The following PHACTR2 variants were observed in gnomAD, a reference collection of about 807,000 sequenced individuals.
PHACTR2 encodes phosphatase and actin regulator 2, also known as chromosome 6 open reading frame 56.
Under a neutral mutation model 76.0 loss-of-function variants are expected in PHACTR2, and 30 were observed. The ratio of observed to expected loss-of-function variants is 0.39; its 90% confidence interval spans 0.30 to 0.54. The LOEUF (loss-of-function observed/expected upper bound fraction) is 0.54. Ranked by LOEUF, PHACTR2 falls within the 20% of genes least tolerant of loss-of-function variation. The probability of loss-of-function intolerance (pLI) is 0.61; values close to 1 mark genes in which losing one functional copy is unlikely to be tolerated. For synonymous variants in PHACTR2, 292 were observed against 292.5 expected (o/e 1.00, Z 0.02); for missense variants, 696 against 781.1 (o/e 0.89, Z 1.30).
chr6:143,724,493 C>G (rs369795023), intron 2 of PHACTR2, among the ~76,000 whole-genome samples: 37 of 152,146 alleles, frequency 2.4e-4, no homozygotes, highest in African/African-American at 8.7e-4. Context: ...AAGGATGATG[C>G]GACCCAACTT....
In PHACTR2 at chr6:143,774,077, T is replaced by C; in HGVS notation, c.1451T>C (p.Ile484Thr). The C allele has an allele frequency of 3.1e-6, 5 of 1,613,454 alleles. No individual in the cohort carries two copies. The highest frequency in any genetic ancestry group is 4.2e-6 in the Non-Finnish European group (5 of 1,179,748). ...GSGESALASKIRRRDTLAIKL... is the reference protein window; with the variant it reads ...GSGESALASKTRRRDTLAIKL... The stretch of plus-strand genomic sequence containing the variant: ...TCCTCAGGTGCTTTGGCAAGTAAAA[T>C]ACGCCGGAGGGATACTCTTGCTATC... The change falls in exon 8 of 13, where the codon ATA becomes ACA. Residue 484 changes from isoleucine to threonine, a missense_variant. By Grantham distance (89) the Ile-to-Thr change is moderately conservative (BLOSUM62 -1). This residue lies in a region of PHACTR2 where 236 missense variants were observed against 330.2 expected (regional missense o/e 0.71). Transcript: ENST00000440869. This position sits in a 1 kb window ranked among gnomAD's most constrained non-coding sequence, Gnocchi z 5.4.
chr6:143,718,670 G>T (rs939453420), intron 2 of PHACTR2, among the ~76,000 whole-genome samples: 7 of 152,180 alleles, frequency 4.6e-5, no homozygotes, highest in African/African-American at 1.4e-4. Context: ...AGTTATGTTT[G>T]GTCCTATTAA....
At position 143,818,124 on chromosome 6, in the gene PHACTR2, A is replaced by C. The variant is rs997675267; in HGVS notation, c.1923-5550A>C. Among the ~76,000 whole-genome samples the C allele has an allele frequency of 1.3e-5, 2 of 152,346 alleles. No homozygotes were observed. The highest frequency in any genetic ancestry group is 6.5e-5 in the Admixed American group (1 of 15,306). On this transcript the variant is annotated intron_variant, in intron 12 of 12. Coordinates refer to ENST00000440869, the MANE Select transcript of PHACTR2 (RefSeq NM_001100164.2). This position sits in a 1 kb window ranked among gnomAD's most constrained non-coding sequence, Gnocchi z 4.9. ...TATGAACAATTATGTGTCAATTAAA[A>C]ATATAATAAAATAATCAATAAAAAA...
rs939823548 is a variant in PHACTR2, at chr6:143,733,070, AT to A, written c.215-15907del. Among the ~76,000 whole-genome samples the A allele has an allele frequency of 3.3e-5, 5 of 151,750 alleles. No individual in the cohort carries two copies. The highest frequency in any genetic ancestry group is 4.8e-5 in the African/African-American group (2 of 41,314). ...ACACCCAACTTAATTTTAAAAAAAAATTTTTTTTCATAGAGATGGAGGCTTG... is the reference window on the plus strand; with the variant it reads ...ACACCCAACTTAATTTTAAAAAAAAATTTTTTTCATAGAGATGGAGGCTTG... On this transcript the variant is annotated intron_variant, in intron 2 of 12. Transcript: ENST00000440869. The surrounding 1 kb of genome is among the most constrained non-coding windows in gnomAD (Gnocchi z 4.0).
Position 143,708,181 on chromosome 6 carries a change from T to A in PHACTR2, c.47-3835T>A, listed in dbSNP as rs1470550753. Among the ~76,000 whole-genome samples the A allele has an allele frequency of 6.6e-6, 1 of 152,254 alleles. No homozygotes were observed. The highest frequency in any genetic ancestry group is 1.5e-5 in the Non-Finnish European group (1 of 68,040). On this transcript the variant is annotated intron_variant, in intron 1 of 12. Transcript: ENST00000440869. This position sits in a 1 kb window ranked among gnomAD's most constrained non-coding sequence, Gnocchi z 5.5. ...TATATGGTCACATTTGCACTGGGAC[T>A]GCCTAACTGATACATTTCTGTTTAA...
At chr6:143,747,597 T>A (rs1311113439) in intron 2 of PHACTR2, among the ~76,000 whole-genome samples, 1 of 152,218 alleles carries the variant, frequency 6.6e-6, no homozygotes, top group Non-Finnish European at 1.5e-5. Flanking sequence ...GATTTGCAGA[T>A]AATGAGCCCA....
rs1403162520 is a variant in PHACTR2, at chr6:143,712,006, C to T, written c.47-10C>T. On this transcript the variant is annotated splice_polypyrimidine_tract_variant and intron_variant, in intron 1 of 12. Coordinates refer to ENST00000440869, the MANE Select transcript of PHACTR2 (RefSeq NM_001100164.2). ...ACAACCTTTCTCTGTCTATATCTTTCTTTATACAGTTGACGGACTGGACAA... is the reference window on the plus strand; with the variant it reads ...ACAACCTTTCTCTGTCTATATCTTTTTTTATACAGTTGACGGACTGGACAA... 6.3e-7 allele frequency: 1 copy of T among 1,598,988 alleles called. No individual in the cohort carries two copies. The highest frequency in any genetic ancestry group is 1.7e-4 in the Middle Eastern group (1 of 5,994).
At position 143,780,213 on chromosome 6, in the gene PHACTR2, A is replaced by G. The variant is rs930837157; in HGVS notation, c.1645+2830A>G. On this transcript the variant is annotated intron_variant, in intron 9 of 12. Coordinates refer to ENST00000440869, the MANE Select transcript of PHACTR2 (RefSeq NM_001100164.2). The surrounding 1 kb of genome is among the most constrained non-coding windows in gnomAD (Gnocchi z 4.4). ...GTAAATCCGCATATATCTACCATCT[A>G]TAGTCTGTCATTAACATCTTGCTTT... Among the ~76,000 whole-genome samples the G allele has an allele frequency of 1.3e-5, 2 of 152,160 alleles. No homozygotes were observed. The highest frequency in any genetic ancestry group is 2.4e-5 in the African/African-American group (1 of 41,434).
chr6:143,752,059 C>T (rs1037542134), intron 3 of PHACTR2, among the ~76,000 whole-genome samples: 1 of 152,054 alleles, frequency 6.6e-6, no homozygotes, highest in Non-Finnish European at 1.5e-5. Context: ...CTATTTCTCT[C>T]TATCATAGGA....
chr6:143,613,505 G>C (rs1262811633), intron 1 of PHACTR2, among the ~76,000 whole-genome samples: 1 of 152,196 alleles, frequency 6.6e-6, no homozygotes, highest in Non-Finnish European at 1.5e-5. Flanking sequence ...CGAGTAAACT[G>C]ACAGTCATGG....
rs1455742676 is a variant in PHACTR2, at chr6:143,829,138, T to C, written c.*5449T>C. ...ACTTGGCCTAGTCCCTATATATATA[T>C]ACTTAAAGTCCCTATATATACTTAA... On this transcript the variant is annotated 3_prime_UTR_variant, in exon 13 of 13. Transcript: ENST00000440869. 3 of 149,136 alleles carry C rather than the reference T, an allele frequency of 2.0e-5. No homozygotes were observed. Among genetic ancestry groups the C allele is most frequent in the African/African-American group, 4.9e-5 (2 of 40,586 alleles). 9.2% of individuals were successfully genotyped at this position (149,136 alleles called of 1,614,324 possible). A position where few individuals can be genotyped will look rare whatever the true frequency, so the allele number is the denominator to read the frequency against.
chr6:143,682,790 GT>G (rs71024869), intron 1 of PHACTR2, among the ~76,000 whole-genome samples: 1 of 148,776 alleles, frequency 6.7e-6, no homozygotes, highest in Admixed American at 6.6e-5. Flanking sequence ...TTTGTTTTTT[GT>G]TTTTTTTTAC....
In PHACTR2 at chr6:143,828,824, TGTC is replaced by T. The variant is rs1451876038; in HGVS notation, c.*5136_*5138del. On this transcript the variant is annotated 3_prime_UTR_variant, in exon 13 of 13. Transcript: ENST00000440869. This position sits in a 1 kb window ranked among gnomAD's most constrained non-coding sequence, Gnocchi z 4.7. Reference sequence around the variant, plus strand: ...ATATCCCAGGCCCCTGCTGACTAAATGTCAGTAGCATTCTCAGTCATTGTAAAC... The same window carrying T: ...ATATCCCAGGCCCCTGCTGACTAAATAGTAGCATTCTCAGTCATTGTAAAC... 6.6e-6 allele frequency: 1 copy of T among 152,176 alleles called. No individual in the cohort carries two copies. The highest frequency in any genetic ancestry group is 2.4e-5 in the African/African-American group (1 of 41,438). 9.4% of individuals were successfully genotyped at this position (152,176 alleles called of 1,614,324 possible). A position where few individuals can be genotyped will look rare whatever the true frequency, so the allele number is the denominator to read the frequency against.
rs1562314812 is a variant in PHACTR2, at chr6:143,807,198, T to TA, written c.1922+72dup. 3 of 916,564 alleles carry TA rather than the reference T, an allele frequency of 3.3e-6. No homozygotes were observed. The highest frequency in any genetic ancestry group is 2.5e-5 in the East Asian group (1 of 40,794). The allele number at this position is 916,564 out of a possible 1,614,324, so 56.8% of individuals were successfully genotyped here. ...AGATGTGATCCCATGTTGAGTTGGT[T>TA]AAAAAAAGAAATTGCTTACAATGGT... On this transcript the variant is annotated intron_variant, in intron 12 of 12. Coordinates refer to ENST00000440869, the MANE Select transcript of PHACTR2 (RefSeq NM_001100164.2). The surrounding 1 kb of genome is among the most constrained non-coding windows in gnomAD (Gnocchi z 5.5).
In PHACTR2 at chr6:143,678,711, G is replaced by A. The variant is rs886742729; in HGVS notation, c.46+502G>A. 8.5e-5 allele frequency among the ~76,000 whole-genome samples: 13 copies of A among 152,280 alleles called. No homozygotes were observed. Among genetic ancestry groups the A allele is most frequent in the South Asian group, 2.1e-4 (1 of 4,828 alleles). On this transcript the variant is annotated intron_variant, in intron 1 of 12. Transcript: ENST00000440869. This position sits in a 1 kb window ranked among gnomAD's most constrained non-coding sequence, Gnocchi z 6.2. ...AATACTTAATAACTAGCCCCGAAAT[G>A]CGTAATTGTTTCAAATGAGACTTGT... is the stretch of plus-strand genomic sequence containing the variant.
chr6:143,769,180 A>G (rs1775033811), intron 6 of PHACTR2, among the ~76,000 whole-genome samples: 1 of 152,174 alleles, frequency 6.6e-6, no homozygotes, highest in Non-Finnish European at 1.5e-5. Context: ...GCAGGGTACT[A>G]ATTATTTGGT....
intron 1 of PHACTR2, among the ~76,000 whole-genome samples, chr6:143,622,695 C>T (rs1776176993): frequency 6.6e-6 from 1 of 152,102 alleles, no homozygotes; most frequent in African/African-American, 2.4e-5. Flanking sequence ...TAGTAAAAAT[C>T]CTTATCAACC....
intron 6 of PHACTR2, among the ~76,000 whole-genome samples, chr6:143,771,158 G>GTA (rs1341330418): frequency 1.9e-3 from 28 of 14,588 alleles, no homozygotes; most frequent in South Asian, 5.5e-3. Context: ...ATATATATAT[G>GTA]TATATATATA....
chr6:143,604,398 C>G (rs568705037), upstream of PHACTR2, among the ~76,000 whole-genome samples: 1 of 152,116 alleles, frequency 6.6e-6, no homozygotes, highest in Non-Finnish European at 1.5e-5. Flanking sequence ...TTCTTTTTAG[C>G]CTGTGATTTT....
Sources: gnomAD v4.1 joint callset for allele counts (sites outside exome capture counted in the v4.1 genomes callset) on GRCh38, gnomAD v4.1.1 for gene constraint, gnomAD v4.1.1 regional missense constraint, Gnocchi (gnomAD v3.1) non-coding constraint, MANE v1.5 for transcripts, NCBI Gene and HGNC (gene_info 2026-07-23, HGNC 2026-07-21) for gene names.